The following ERC1 variants were observed in gnomAD, a reference collection of about 807,000 sequenced individuals.
ERC1 encodes RAB6 interacting protein 2.
In ERC1, 56 loss-of-function variants were observed where a neutral mutation model predicts 132.0. That is an observed-to-expected ratio of 0.42 (90% CI 0.34 to 0.53). The LOEUF (loss-of-function observed/expected upper bound fraction) is 0.53, where lower values mean the gene tolerates loss of function less well. ERC1 is among the 20% of genes least tolerant of loss of function. The pLI is 0.03. For synonymous variants in ERC1, 478 were observed against 476.1 expected, an observed-to-expected ratio of 1.00 and a Z score of -0.05; for missense variants, 1,202 against 1,349.9, an observed-to-expected ratio of 0.89 and a Z score of 1.72.
chr12:1,339,000 C>T lies in ERC1; in HGVS notation c.2781-32833C>T, dbSNP rs184951262. On this transcript the variant is annotated intron_variant, in intron 15 of 18. Transcript: ENST00000360905. ...TCTGCCAAAGTGCTTCATAGTGTGG[C>T]GGCAGCAGGATCCGTCCTCATTTGC... Among the ~76,000 whole-genome samples the T allele has an allele frequency of 2.9e-3, 436 of 152,324 alleles. 7 individuals carry two copies. The highest frequency in any genetic ancestry group is 8.7e-4 in the Non-Finnish European group (59 of 68,032).
At chr12:1,348,950 A>G (rs2084741061) in intron 15 of ERC1, among the ~76,000 whole-genome samples, 1 of 152,112 alleles carries the variant, frequency 6.6e-6, no homozygotes, top group South Asian at 2.1e-4. Flanking sequence ...TGCACACCTC[A>G]TGTGCTTATA....
At chr12:1,134,799 G>A (rs1213831558) in intron 7 of ERC1, among the ~76,000 whole-genome samples, 2 of 150,072 alleles carry the variant, frequency 1.3e-5, no homozygotes, top group African/African-American at 4.9e-5. Flanking sequence ...CGTGATCTCA[G>A]CTCACTGCAA....
chr12:1,350,146 A>G (rs538190531), intron 15 of ERC1, among the ~76,000 whole-genome samples: 1 of 152,164 alleles, frequency 6.6e-6, no homozygotes, highest in Non-Finnish European at 1.5e-5. Flanking sequence ...ACAGAAAACA[A>G]TGGAGATAAG....
intron 18 of ERC1, among the ~76,000 whole-genome samples, chr12:1,471,145 C>A (rs542508330): frequency 2.9e-4 from 44 of 152,310 alleles, no homozygotes; most frequent in African/African-American, 1.0e-3. Flanking sequence ...ATAAAACCTG[C>A]TGAGCATGGT....
rs554704924 is a variant in ERC1 at position 1,486,351 on chromosome 12, G to T, written c.3214-3742G>T. On this transcript the variant is annotated intron_variant, in intron 18 of 18. Transcript: ENST00000360905. ...TCTAGATGATGGTAATATTCTAGGT[G>T]ATTTTTTTCTTGTTTTTTTTTCTTT... Among the ~76,000 whole-genome samples, 172 of 151,244 alleles carry T rather than the reference G, an allele frequency of 1.1e-3. No individual in the cohort carries two copies. In the South Asian group the frequency reaches 0.014, roughly 13 times the overall value.
At chr12:1,227,382 A>G (rs1185116604) in intron 12 of ERC1, among the ~76,000 whole-genome samples, 2 of 152,070 alleles carry the variant, frequency 1.3e-5, no homozygotes, top group East Asian at 3.9e-4. Context: ...TGTGATGTTG[A>G]GCGTATTTTC....
At chr12:1,331,412 T>C (rs1436756868) in intron 15 of ERC1, among the ~76,000 whole-genome samples, 1 of 152,248 alleles carries the variant, frequency 6.6e-6, no homozygotes. Context: ...ATCCATCTAC[T>C]TACTTATTCA....
In ERC1 at chr12:1,415,658, G is replaced by A. The variant is rs562435191; in HGVS notation, c.3024+7411G>A. On this transcript the variant is annotated intron_variant, in intron 17 of 18. Coordinates refer to ENST00000360905, the MANE Select transcript of ERC1 (RefSeq NM_178040.4). ...GTTAAATTATCTTGCAGAATTAAAT[G>A]GTGCAGTGAATTGCACTGCTTTCTT... 3.3e-5 allele frequency among the ~76,000 whole-genome samples: 5 copies of A among 152,298 alleles called. No homozygotes were observed. In the South Asian group the frequency reaches 6.2e-4, roughly 19 times the overall value.
intron 16 of ERC1, among the ~76,000 whole-genome samples, chr12:1,393,252 G>T (rs2090130787): frequency 6.6e-6 from 1 of 152,246 alleles, no homozygotes; most frequent in Non-Finnish European, 1.5e-5. Flanking sequence ...CTTTGGCTGG[G>T]TGTGGTGGCT....
chr12:1,482,772 A>G (rs368834433), intron 18 of ERC1, among the ~76,000 whole-genome samples: 6 of 152,250 alleles, frequency 3.9e-5, no homozygotes, highest in African/African-American at 1.4e-4. Flanking sequence ...TTACTGAGAT[A>G]TAATTTACAT....
intron 14 of ERC1, among the ~76,000 whole-genome samples, chr12:1,266,004 T>C (rs956536962): frequency 6.6e-6 from 1 of 152,200 alleles, no homozygotes; most frequent in Non-Finnish European, 1.5e-5. Context: ...ACAAAGCTGC[T>C]GTAAACATTC....
intron 15 of ERC1, among the ~76,000 whole-genome samples, chr12:1,345,187 C>CTTTTGTTTTTTT (rs2084324822): frequency 7.6e-6 from 1 of 131,494 alleles, no homozygotes; most frequent in African/African-American, 3.0e-5. Context: ...AATATTTCTT[C>CTTTTGTTTTTTT]TTTTTTTTTT....
intron 15 of ERC1, among the ~76,000 whole-genome samples, chr12:1,352,291 G>A (rs922733515): frequency 5.3e-5 from 8 of 152,162 alleles, no homozygotes; most frequent in African/African-American, 1.9e-4. Context: ...TAATAAATGT[G>A]TGCTGAACTG....
chr12:1,439,770 A>T (rs892183590), intron 17 of ERC1, among the ~76,000 whole-genome samples: 3 of 152,298 alleles, frequency 2.0e-5, no homozygotes, highest in Admixed American at 6.5e-5. Context: ...GTTATAACTT[A>T]CGGGTCCTGT....
chr12:1,183,267 G>T lies in ERC1; in HGVS notation c.2017-14G>T. The T allele has an allele frequency of 6.6e-7, 1 of 1,518,294 alleles. No homozygotes were observed. The allele number at this position is 1,518,294 out of a possible 1,614,324, so 94.1% of individuals were successfully genotyped here. On this transcript the variant is annotated splice_polypyrimidine_tract_variant and intron_variant, in intron 10 of 18. Coordinates refer to ENST00000360905, the MANE Select transcript of ERC1 (RefSeq NM_178040.4). The stretch of plus-strand genomic sequence containing the variant: ...TTAAAATTATTTATTCTAGATGTGT[G>T]TTCCTTCTTTTAGGCTTCACTTTTG...
In ERC1 at chr12:1,091,723, A is replaced by G. The variant is rs1412942475; in HGVS notation, c.1086+8143A>G. ...TCCACCGTTGAATCAAGGGAGTGAC[A>G]CAATCTGATTTGCTTTTAAAATTTA... On this transcript the variant is annotated intron_variant, in intron 3 of 18. Coordinates refer to ENST00000360905, the MANE Select transcript of ERC1 (RefSeq NM_178040.4). Among the ~76,000 whole-genome samples, 4 of 152,236 alleles carry G rather than the reference A, an allele frequency of 2.6e-5. No individual in the cohort carries two copies. In the East Asian group the frequency reaches 7.7e-4, roughly 29 times the overall value.
intron 9 of ERC1, 105 bp downstream of exon 9, chr12:1,180,782 G>A: frequency 7.4e-7 from 1 of 1,346,684 alleles, no homozygotes; most frequent in Non-Finnish European, 1.0e-6. Context: ...AGGGAAAAGA[G>A]CTGCTGTGTG....
chr12:1,490,224 C>G lies in ERC1; in HGVS notation c.3345C>G (p.Ser1115=). The part of the protein sequence containing the change: ...LEQVVNALEE[S]S ...AAGTGGTCAACGCCCTGGAAGAGTC[C>G]TCTTGACCCTGCTTTATGGGGAAGC... Residue 1115 remains serine (S), a synonymous_variant, in exon 19 of 19, where the codon TCC becomes TCG. Coordinates refer to ENST00000360905, the MANE Select transcript of ERC1 (RefSeq NM_178040.4). The G allele has an allele frequency of 6.2e-7, 1 of 1,613,808 alleles. No individual in the cohort carries two copies. Among genetic ancestry groups the G allele is most frequent in the African/African-American group, 1.3e-5 (1 of 75,050 alleles).
intron 14 of ERC1, among the ~76,000 whole-genome samples, chr12:1,282,713 A>G (rs527853380): frequency 4.6e-5 from 7 of 152,346 alleles, no homozygotes; most frequent in Non-Finnish European, 8.8e-5. Context: ...CTAATACTTC[A>G]AAAATGCTCC....
Sources: gnomAD v4.1 joint callset for allele counts (sites outside exome capture counted in the v4.1 genomes callset) on GRCh38, gnomAD v4.1.1 for gene constraint, MANE v1.5 for transcripts, NCBI Gene and HGNC (gene_info 2026-07-23, HGNC 2026-07-21) for gene names.